AJAP1: variants seen among roughly 807,000 people sequenced by gnomAD.
The protein encoded by AJAP1 is adherens junction-associated protein 1.
AJAP1 carries 5 observed loss-of-function variants against 35.0 expected under a neutral mutation model. The observed-to-expected ratio is 0.14, with a 90% confidence interval of 0.07 to 0.30. The LOEUF is 0.30. AJAP1 is among the 10% of genes least tolerant of loss of function. The pLI, the probability that AJAP1 is intolerant of heterozygous loss-of-function variation, is 1.00. For missense variants in AJAP1, 586 were observed against 571.0 expected (o/e 1.03, Z -0.27); for synonymous variants, 284 against 249.3 (o/e 1.14, Z -1.31).
At chr1:4,704,660 G>A (rs1172395710) in intron 1 of AJAP1, among the ~76,000 whole-genome samples, 1 of 152,112 alleles carries the variant, frequency 6.6e-6, no homozygotes, top group Non-Finnish European at 1.5e-5. Context: ...ATAGTCCTTT[G>A]GGTATATACC....
intron 2 of AJAP1, among the ~76,000 whole-genome samples, chr1:4,745,614 T>C (rs409048): frequency 0.35 from 53,954 of 152,128 alleles, 9,966 homozygotes; most frequent in Middle Eastern, 0.42. Flanking sequence ...TAGGAATGAA[T>C]TATGCACACC....
rs369309835 is a variant in AJAP1, at chr1:4,774,706, CG to C, written c.*59+156del. On this transcript the variant is annotated intron_variant, in intron 5 of 5. Transcript: ENST00000378191. The stretch of plus-strand genomic sequence containing the variant: ...CATCACTTCTCTGAACATGAGCCGG[CG>C]GGGGGGGCTGGGCTTTTGACCTTGA... 1.9e-4 allele frequency: 108 copies of C among 556,252 alleles called. 1 individual carries two copies. Among genetic ancestry groups the C allele is most frequent in the South Asian group, 8.7e-4 (41 of 47,116 alleles). The allele number at this position is 556,252 out of a possible 1,614,324, so 34.5% of individuals were successfully genotyped here.
chr1:4,681,400 G>T (rs1011985948), intron 1 of AJAP1, among the ~76,000 whole-genome samples: 3 of 152,172 alleles, frequency 2.0e-5, no homozygotes, highest in African/African-American at 7.2e-5. Context: ...GGCAGGGGCT[G>T]CCAGCCACAC....
At chr1:4,759,645 C>T (rs1210586781) in intron 2 of AJAP1, among the ~76,000 whole-genome samples, 3 of 152,202 alleles carry the variant, frequency 2.0e-5, no homozygotes, top group African/African-American at 7.2e-5. Flanking sequence ...CCCACCTACA[C>T]CAGGCACATG....
intron 2 of AJAP1, among the ~76,000 whole-genome samples, chr1:4,717,960 C>A (rs534782213): frequency 6.6e-6 from 1 of 152,188 alleles, no homozygotes; most frequent in South Asian, 2.1e-4. Flanking sequence ...AAGCAAATGA[C>A]TCATGAACTT....
chr1:4,660,422 A>G (rs1256929107), intron 1 of AJAP1, among the ~76,000 whole-genome samples: 1 of 151,650 alleles, frequency 6.6e-6, no homozygotes, highest in Admixed American at 6.6e-5. Context: ...CCGTGTCACA[A>G]TCCTGTTATA....
intron 1 of AJAP1, among the ~76,000 whole-genome samples, chr1:4,711,697 AGC>A (rs1210205818): frequency 6.6e-6 from 1 of 152,156 alleles, no homozygotes; most frequent in East Asian, 1.9e-4. Flanking sequence ...GCACCCTCGC[AGC>A]GCGCGCTGTT....
chr1:4,718,314 G>C (rs1256719837), intron 2 of AJAP1, among the ~76,000 whole-genome samples: 1 of 152,094 alleles, frequency 6.6e-6, no homozygotes, highest in Non-Finnish European at 1.5e-5. Context: ...CTGTGTTGCA[G>C]GTCTTCTTGC....
chr1:4,754,182 C>T (rs1030424878), intron 2 of AJAP1, among the ~76,000 whole-genome samples: 4 of 152,148 alleles, frequency 2.6e-5, no homozygotes, highest in Non-Finnish European at 4.4e-5. Context: ...AAAAGGATAA[C>T]GGTTTGCAAC....
At chr1:4,758,234 G>A (rs560666078) in intron 2 of AJAP1, among the ~76,000 whole-genome samples, 8 of 152,088 alleles carry the variant, frequency 5.3e-5, no homozygotes, top group Non-Finnish European at 1.0e-4. Flanking sequence ...CTAATATAGT[G>A]TGTCACTCTT....
chr1:4,699,470 C>T (rs969531737), intron 1 of AJAP1, among the ~76,000 whole-genome samples: 3 of 152,200 alleles, frequency 2.0e-5, no homozygotes, highest in Non-Finnish European at 2.9e-5. Flanking sequence ...AGAGGGGCTG[C>T]AGTGAGTGTT....
chr1:4,689,059 C>A (rs4654456), intron 1 of AJAP1, among the ~76,000 whole-genome samples: 1 of 151,976 alleles, frequency 6.6e-6, no homozygotes, highest in Non-Finnish European at 1.5e-5. Context: ...CCCCCTCACT[C>A]GCCTGTAGGG....
At chr1:4,702,848 C>T (rs576389400) in intron 1 of AJAP1, among the ~76,000 whole-genome samples, 9 of 152,296 alleles carry the variant, frequency 5.9e-5, no homozygotes, top group African/African-American at 1.4e-4. Flanking sequence ...AGGAGCTAGA[C>T]CTGCTGTCCT....
At chr1:4,750,072 G>A (rs1054274626) in intron 2 of AJAP1, among the ~76,000 whole-genome samples, 2 of 152,074 alleles carry the variant, frequency 1.3e-5, no homozygotes, top group Non-Finnish European at 2.9e-5. Flanking sequence ...ATGCCAGTGT[G>A]TCTGGTTGTG....
intron 1 of AJAP1, among the ~76,000 whole-genome samples, chr1:4,695,289 T>G (rs976479289): frequency 6.6e-6 from 1 of 152,092 alleles, no homozygotes; most frequent in African/African-American, 2.4e-5. Context: ...CACTCCGTGG[T>G]GAGTGGTGGT....
intron 2 of AJAP1, among the ~76,000 whole-genome samples, chr1:4,743,556 A>C (rs1285399733): frequency 6.6e-6 from 1 of 152,150 alleles, no homozygotes; most frequent in Non-Finnish European, 1.5e-5. Flanking sequence ...TCATCCATCC[A>C]TCCATCCCTC....
At chr1:4,679,976 G>T (rs1465096084) in intron 1 of AJAP1, among the ~76,000 whole-genome samples, 3 of 152,090 alleles carry the variant, frequency 2.0e-5, no homozygotes, top group Admixed American at 6.5e-5. Flanking sequence ...TAATACTGTA[G>T]AACTGAGAAC....
At chr1:4,688,591 G>A (rs1271725471) in intron 1 of AJAP1, among the ~76,000 whole-genome samples, 4 of 151,880 alleles carry the variant, frequency 2.6e-5, no homozygotes. Context: ...TGGCCAATAT[G>A]GTGAAACCCC....
chr1:4,682,811 ATAG>A (rs1639512678), intron 1 of AJAP1, among the ~76,000 whole-genome samples: 1 of 149,268 alleles, frequency 6.7e-6, no homozygotes. Flanking sequence ...GATAATGATG[ATAG>A]TGGTGATACT....
Sources: allele counts gnomAD v4.1 joint callset (sites outside exome capture counted in the v4.1 genomes callset), GRCh38; gene constraint gnomAD v4.1.1; transcripts MANE v1.5; gene names NCBI Gene and HGNC (gene_info 2026-07-23, HGNC 2026-07-21).